Variants in ANKMY1 observed in about 807,000 individuals in gnomAD.
ANKMY1 encodes the protein ankyrin repeat and MYND domain containing 1.
ANKMY1 carries 98 observed loss-of-function variants against 102.0 expected under a neutral mutation model. The observed-to-expected ratio is 0.96, with a 90% CI of 0.82 to 1.14. The LOEUF is 1.14. Ranked by LOEUF, ANKMY1 falls within the 50% of genes most tolerant of loss-of-function variation. The pLI, the probability that ANKMY1 is intolerant of heterozygous loss-of-function variation, is 0.00. For synonymous variants in ANKMY1, 582 were observed against 559.9 expected (o/e 1.04, Z -0.56); for missense variants, 1,330 against 1,347.6 (o/e 0.99, Z 0.20).
rs768928604 is a variant in ANKMY1 at position 240,520,536 on chromosome 2, G to C, written c.1833-3C>G. ...TGGTCCGCCAGCGCTTCCTCCGCCT[G>C]AAAAAGACGGTGCGCCCGTGGGCCC... On this transcript the variant is annotated splice_polypyrimidine_tract_variant and splice_region_variant and intron_variant, in intron 8 of 17. Coordinates refer to ENST00000401804, the MANE Select transcript of ANKMY1 (RefSeq NM_001282771.3). The surrounding 1 kb of genome is among the most constrained non-coding windows in gnomAD (Gnocchi z 4.8). 6.2e-7 allele frequency: 1 copy of C among 1,609,508 alleles called. No individual in the cohort carries two copies. Among genetic ancestry groups the C allele is most frequent in the Admixed American group, 1.7e-5 (1 of 59,522 alleles).
chr2:240,544,074 T>TTA (rs1419899985), intron 4 of ANKMY1, among the ~76,000 whole-genome samples: 3 of 152,130 alleles, frequency 2.0e-5, no homozygotes, highest in African/African-American at 7.2e-5. Flanking sequence ...TTAGTTCAAA[T>TTA]TATAGAGTTA....
At chr2:240,555,231 GA>G in intron 2 of ANKMY1, 176 bp from the exon 3 acceptor site, 1 of 659,794 alleles carries the variant, frequency 1.5e-6, no homozygotes, top group Non-Finnish European at 2.6e-6. Context: ...AGGGTGCAGC[GA>G]TTGCCCAAGG....
intron 4 of ANKMY1, 172 bp downstream of exon 4, chr2:240,552,742 T>C: frequency 9.5e-7 from 1 of 1,056,914 alleles, no homozygotes; most frequent in Non-Finnish European, 1.3e-6. Flanking sequence ...GCAAGGAGGC[T>C]TTTATTTTCA....
intron 4 of ANKMY1, chr2:240,532,114 A>T (rs962532943): frequency 6.4e-6 from 3 of 469,196 alleles, no homozygotes; most frequent in Non-Finnish European, 1.3e-5. Flanking sequence ...CCAGATCCAC[A>T]AATGGAAACA....
At chr2:240,473,756 G>C in the ANKMY1 span, among the ~76,000 whole-genome samples, 1 of 152,080 alleles carries the variant, frequency 6.6e-6, no homozygotes, top group African/African-American at 2.4e-5. Flanking sequence ...CAGAATAAAG[G>C]ATAACAATCA....
At chr2:240,517,684 G>C (rs1004658628) in intron 9 of ANKMY1, among the ~76,000 whole-genome samples, 2 of 152,128 alleles carry the variant, frequency 1.3e-5, no homozygotes, top group Non-Finnish European at 2.9e-5. Context: ...GGTGGTGCCT[G>C]TAGTCCAGCT....
At chr2:240,528,855 G>C (rs1356846154) in intron 5 of ANKMY1, among the ~76,000 whole-genome samples, 182 bp downstream of exon 5, 1 of 152,140 alleles carries the variant, frequency 6.6e-6, no homozygotes, top group Non-Finnish European at 1.5e-5. Context: ...CTCCCAGCTC[G>C]AGTCAGCAGG....
rs548080081 is a variant in ANKMY1, at chr2:240,518,778, C to T, written c.2004+1584G>A. On this transcript the variant is annotated intron_variant, in intron 9 of 17. Coordinates refer to ENST00000401804, the MANE Select transcript of ANKMY1 (RefSeq NM_001282771.3). ...TTGTGACCTTAATCAGTTTCAAAGA[C>T]GGAGTCCAATCAGTAAACCTAAAAA... 2.2e-3 allele frequency among the ~76,000 whole-genome samples: 329 copies of T among 152,316 alleles called. 2 individuals carry two copies. The highest frequency in any genetic ancestry group is 3.5e-3 in the Non-Finnish European group (240 of 68,036).
intron 2 of ANKMY1, among the ~76,000 whole-genome samples, chr2:240,556,277 G>C (rs1023742480): frequency 1.3e-5 from 2 of 152,168 alleles, no homozygotes; most frequent in Non-Finnish European, 2.9e-5. Context: ...GCCACAAGAG[G>C]CCTCTGAGGA....
intron 4 of ANKMY1, chr2:240,532,146 C>T (rs763251992): frequency 8.7e-6 from 4 of 461,746 alleles, no homozygotes; most frequent in South Asian, 6.4e-5. Flanking sequence ...CTGTAGAAAA[C>T]CAAAGAAAGA....
At position 240,500,423 on chromosome 2, in the gene ANKMY1, T is replaced by A. The variant is rs775550731; in HGVS notation, c.2640+29A>T. The A allele has an allele frequency of 3.7e-6, 6 of 1,601,050 alleles. No homozygotes were observed. In the Admixed American group the frequency reaches 6.7e-5, roughly 18 times the overall value. The stretch of plus-strand genomic sequence containing the variant: ...CCCTGCACGTGACCCACACTCCCCC[T>A]CCTTCCTCATGGGAGGCTCACCACC... On this transcript the variant is annotated intron_variant, in intron 14 of 17. Coordinates refer to ENST00000401804, the MANE Select transcript of ANKMY1 (RefSeq NM_001282771.3).
At chr2:240,505,804 A>T (rs1427632499) in intron 13 of ANKMY1, among the ~76,000 whole-genome samples, 1 of 152,252 alleles carries the variant, frequency 6.6e-6, no homozygotes, top group Non-Finnish European at 1.5e-5. Context: ...GGGTGAGAAT[A>T]TACGTGGTAT....
intron 9 of ANKMY1, among the ~76,000 whole-genome samples, chr2:240,516,163 T>TTG (rs59885877): frequency 1.3e-5 from 2 of 151,244 alleles, no homozygotes; most frequent in African/African-American, 2.4e-5. Flanking sequence ...TTTTTTTTTT[T>TTG]GAAATATTTG....
chr2:240,480,805 A>G, intron 17 of ANKMY1, 132 bp downstream of exon 17: 1 of 1,310,556 alleles, frequency 7.6e-7, no homozygotes, highest in Non-Finnish European at 1.0e-6. Flanking sequence ...GCCGATCTGG[A>G]AATGTTGGGA....
At position 240,529,545 on chromosome 2, in the gene ANKMY1, C is replaced by A. The variant is rs199574776; in HGVS notation, c.481-36G>T. 3 of 1,538,346 alleles carry A rather than the reference C, an allele frequency of 2.0e-6. No homozygotes were observed. The African/African-American group carries it at 4.1e-5, about 21-fold the overall frequency. On this transcript the variant is annotated intron_variant, in intron 4 of 17. Transcript: ENST00000401804. This position sits in a 1 kb window ranked among gnomAD's most constrained non-coding sequence, Gnocchi z 4.2. The stretch of plus-strand genomic sequence containing the variant: ...AGCGCAATAGACCGAGGAGAGATAA[C>A]GCGACCCAGCTGCACATGTGATCAT...
At chr2:240,469,174 C>A in the ANKMY1 span, among the ~76,000 whole-genome samples, 1 of 152,244 alleles carries the variant, frequency 6.6e-6, no homozygotes, top group African/African-American at 2.4e-5. Context: ...CCAGCTGCTT[C>A]AAGACTTCCA....
At chr2:240,503,071 G>A (rs1472385257) in intron 13 of ANKMY1, among the ~76,000 whole-genome samples, 2 of 152,164 alleles carry the variant, frequency 1.3e-5, no homozygotes, top group East Asian at 1.9e-4. Context: ...CCTGCCCAGG[G>A]GCTCTGCCTC....
In ANKMY1 at chr2:240,499,815, CAAAGGGGACA is replaced by C; in HGVS notation, c.2806+133_2806+142del. The C allele has an allele frequency of 9.0e-7, 1 of 1,108,584 alleles. No individual in the cohort carries two copies. The highest frequency in any genetic ancestry group is 1.2e-6 in the Non-Finnish European group (1 of 801,718). 68.7% of individuals were successfully genotyped at this position (1,108,584 alleles called of 1,614,324 possible). On this transcript the variant is annotated intron_variant, in intron 15 of 17. Transcript: ENST00000401804. This position sits in a 1 kb window ranked among gnomAD's most constrained non-coding sequence, Gnocchi z 4.2. ...GACGAGCTCCTTGGACGACGGGACA[CAAAGGGGACA>C]AGCCGACGAGCCCAGCCCCAGGAAG...
At chr2:240,543,352 C>CA (rs1311666573) in intron 4 of ANKMY1, among the ~76,000 whole-genome samples, 3,265 of 115,288 alleles carry the variant, frequency 0.028, 53 homozygotes, top group Middle Eastern at 0.043. Context: ...GACTCTTTCT[C>CA]AAAAAAAAAA....
Sources: allele counts gnomAD v4.1 joint callset (sites outside exome capture counted in the v4.1 genomes callset), GRCh38; gene constraint gnomAD v4.1.1; non-coding constraint Gnocchi (gnomAD v3.1); transcripts MANE v1.5; gene names NCBI Gene and HGNC (gene_info 2026-07-23, HGNC 2026-07-21).